The following RSRC1 variants were observed in gnomAD, a reference collection of about 807,000 sequenced individuals.
The protein encoded by RSRC1 is serine/Arginine-related protein 53.
Under a neutral mutation model 49.1 loss-of-function variants are expected in RSRC1, and 39 were observed. The observed-to-expected ratio is 0.79, with a 90% CI of 0.61 to 1.04. The LOEUF (loss-of-function observed/expected upper bound fraction) is 1.04, where lower values mean the gene tolerates loss of function less well. Among genes scored for constraint, RSRC1 ranks in the 50% least tolerant of loss-of-function variants. The pLI is 0.00. For synonymous variants in RSRC1, 143 were observed against 130.8 expected (o/e 1.09, Z -0.63); for missense variants, 388 against 402.4 (o/e 0.96, Z 0.31).
chr3:158,203,039 C>G (rs2108279468), intron 3 of RSRC1, 33 bp from the exon 4 acceptor site: 1 of 1,530,338 alleles, frequency 6.5e-7, no homozygotes, highest in African/African-American at 1.4e-5. Context: ...AAATTATACA[C>G]TAAGTTTATT....
chr3:158,528,408 G>A (rs1336980104), intron 7 of RSRC1, among the ~76,000 whole-genome samples: 3 of 151,816 alleles, frequency 2.0e-5, no homozygotes, highest in African/African-American at 4.8e-5. Flanking sequence ...GCGAGACAAG[G>A]GTAAATTGAG....
At position 158,525,875 on chromosome 3, in the gene RSRC1, G is replaced by A. The variant is rs574170247; in HGVS notation, c.653-11217G>A. On this transcript the variant is annotated intron_variant, in intron 7 of 9. Coordinates refer to ENST00000611884, the MANE Select transcript of RSRC1 (RefSeq NM_001271838.2). ...GGAAGCAGATCTGTGGTTGTCTGGG[G>A]GTCAGGGTAGAGATAGAAATTGACT... 3.9e-5 allele frequency among the ~76,000 whole-genome samples: 6 copies of A among 151,902 alleles called. No homozygotes were observed. In the East Asian group the frequency reaches 7.8e-4, roughly 20 times the overall value.
chr3:158,199,875 G>T (rs1013116104), intron 3 of RSRC1, among the ~76,000 whole-genome samples: 3 of 152,072 alleles, frequency 2.0e-5, no homozygotes, highest in South Asian at 2.1e-4. Context: ...AGAGAAACAT[G>T]TTCTGCATGA....
At chr3:158,270,585 G>C (rs1725459130) in intron 4 of RSRC1, among the ~76,000 whole-genome samples, 1 of 152,090 alleles carries the variant, frequency 6.6e-6, no homozygotes, top group Non-Finnish European at 1.5e-5. Flanking sequence ...AACATGTTTG[G>C]TACTAAGGGT....
At chr3:158,182,343 A>G (rs1221329091) in intron 3 of RSRC1, among the ~76,000 whole-genome samples, 1 of 152,232 alleles carries the variant, frequency 6.6e-6, no homozygotes, top group Non-Finnish European at 1.5e-5. Flanking sequence ...CATTTAATGA[A>G]CAAGCTGATT....
At chr3:158,111,550 A>G (rs1349274332) in intron 1 of RSRC1, among the ~76,000 whole-genome samples, 1 of 152,198 alleles carries the variant, frequency 6.6e-6, no homozygotes, top group Non-Finnish European at 1.5e-5. Flanking sequence ...CAAGTTTTTA[A>G]TTGTGATGGG....
chr3:158,223,181 T>G (rs561499711), intron 4 of RSRC1, among the ~76,000 whole-genome samples: 2 of 151,782 alleles, frequency 1.3e-5, no homozygotes, highest in South Asian at 4.2e-4. Context: ...CGTCTTCCTC[T>G]TTCTTGAAAT....
rs146925471 is a variant in RSRC1 at position 158,280,637 on chromosome 3, CTTTTTTTTTTTTTT to C, written c.495-17388_495-17375del. On this transcript the variant is annotated intron_variant, in intron 4 of 9. Transcript: ENST00000611884. Reference sequence around the variant, plus strand: ...TTTGAGCTCAAGAATGAAGTGATTCCTTTTTTTTTTTTTTTTTTTTTTTTTTTGAGACGGAGTCT... The same window carrying C: ...TTTGAGCTCAAGAATGAAGTGATTCCTTTTTTTTTTTTTGAGACGGAGTCT... 9.8e-3 allele frequency among the ~76,000 whole-genome samples: 628 copies of C among 64,064 alleles called. 11 individuals carry two copies. Among genetic ancestry groups the C allele is most frequent in the African/African-American group, 0.038 (594 of 15,766 alleles). The allele number at this position is 64,064 out of a possible 152,430, so 42.0% of individuals were successfully genotyped here.
intron 5 of RSRC1, among the ~76,000 whole-genome samples, chr3:158,346,310 T>C (rs1463703961): frequency 6.6e-6 from 1 of 152,024 alleles, no homozygotes; most frequent in East Asian, 1.9e-4. Flanking sequence ...AGAACCTGCC[T>C]CTTAAAAAGA....
At chr3:158,437,818 G>C (rs1289844306) in intron 6 of RSRC1, among the ~76,000 whole-genome samples, 1 of 152,016 alleles carries the variant, frequency 6.6e-6, no homozygotes, top group East Asian at 1.9e-4. Context: ...TGCTGGCCAG[G>C]GCAATCAGGC....
chr3:158,464,838 G>A (rs995770042), intron 7 of RSRC1, among the ~76,000 whole-genome samples: 5 of 152,076 alleles, frequency 3.3e-5, no homozygotes, highest in Non-Finnish European at 7.4e-5. Context: ...CAAAGGCACA[G>A]TGCTTAATAG....
At chr3:158,461,691 T>C (rs1299235666) in intron 7 of RSRC1, among the ~76,000 whole-genome samples, 2 of 151,872 alleles carry the variant, frequency 1.3e-5, no homozygotes, top group Non-Finnish European at 2.9e-5. Flanking sequence ...GTGAGTTAAG[T>C]TGATGATCTG....
intron 7 of RSRC1, among the ~76,000 whole-genome samples, chr3:158,507,895 A>AG (rs1419778834): frequency 1.3e-5 from 2 of 152,064 alleles, no homozygotes; most frequent in African/African-American, 4.8e-5. Flanking sequence ...TAACATAGTG[A>AG]GACCCCATTT....
chr3:158,350,270 C>T (rs566141309), intron 5 of RSRC1, among the ~76,000 whole-genome samples: 12 of 151,516 alleles, frequency 7.9e-5, no homozygotes, highest in African/African-American at 2.9e-4. Flanking sequence ...CTTCACCTCC[C>T]AGGCTCAAGC....
intron 6 of RSRC1, among the ~76,000 whole-genome samples, chr3:158,447,919 A>G (rs747996545): frequency 4.6e-5 from 7 of 151,894 alleles, no homozygotes; most frequent in Non-Finnish European, 1.0e-4. Context: ...TTTTAAAAAG[A>G]TTGCTTACCA....
intron 5 of RSRC1, among the ~76,000 whole-genome samples, chr3:158,332,225 C>T (rs961481515): frequency 6.6e-6 from 1 of 152,114 alleles, no homozygotes; most frequent in Non-Finnish European, 1.5e-5. Context: ...TTAATCATAA[C>T]TAACAACACC....
At chr3:158,377,518 C>A (rs950725296) in intron 6 of RSRC1, among the ~76,000 whole-genome samples, 2 of 152,100 alleles carry the variant, frequency 1.3e-5, no homozygotes, top group African/African-American at 4.8e-5. Flanking sequence ...GCTCTTGCTC[C>A]TTCTCTTGCT....
At chr3:158,150,290 C>T (rs1331508893) in intron 3 of RSRC1, among the ~76,000 whole-genome samples, 1 of 152,060 alleles carries the variant, frequency 6.6e-6, no homozygotes, top group Non-Finnish European at 1.5e-5. Context: ...TTTATTGCAC[C>T]AGTATAAGAT....
chr3:158,297,930 T>C (rs1283757187), intron 4 of RSRC1, 109 bp from the exon 5 acceptor site: 4 of 780,292 alleles, frequency 5.1e-6, no homozygotes, highest in African/African-American at 1.8e-5. Flanking sequence ...TGAACATAAG[T>C]AAATACATAT....
Sources: gnomAD v4.1 joint callset for allele counts (sites outside exome capture counted in the v4.1 genomes callset) on GRCh38, gnomAD v4.1.1 for gene constraint, MANE v1.5 for transcripts, NCBI Gene and HGNC (gene_info 2026-07-23, HGNC 2026-07-21) for gene names.